Variants in SPAG9 observed in about 807,000 individuals in gnomAD.
SPAG9 encodes sperm associated antigen 9.
Under a neutral mutation model 166.5 loss-of-function variants are expected in SPAG9, and 35 were observed. The observed-to-expected ratio is 0.21, with a 90% CI of 0.16 to 0.28. The LOEUF is 0.28. Among genes scored for constraint, SPAG9 ranks in the 10% least tolerant of loss-of-function variants. The probability of loss-of-function intolerance (pLI) is 1.00; values close to 1 mark genes in which losing one functional copy is unlikely to be tolerated. For synonymous variants in SPAG9, 534 were observed against 565.5 expected (o/e 0.94, Z 0.79); for missense variants, 1,235 against 1,603.3 (o/e 0.77, Z 3.92).
intron 5 of SPAG9, among the ~76,000 whole-genome samples, chr17:51,034,176 C>G (rs951167182): frequency 2.6e-5 from 4 of 152,142 alleles, no homozygotes; most frequent in African/African-American, 9.7e-5. Flanking sequence ...ATAAACAAAA[C>G]AATATGAAAT....
At chr17:51,101,335 G>A (rs778008295) in intron 1 of SPAG9, among the ~76,000 whole-genome samples, 2 of 109,528 alleles carry the variant, frequency 1.8e-5, no homozygotes, top group African/African-American at 7.3e-5. Flanking sequence ...GACACTGTGA[G>A]ATTCTGTCTC....
At chr17:51,005,078 A>G (rs2045146064) in intron 12 of SPAG9, 134 bp downstream of exon 12, 1 of 722,650 alleles carries the variant, frequency 1.4e-6, no homozygotes, top group African/African-American at 1.8e-5. Flanking sequence ...GAGCTATCCT[A>G]TTCATGACCA....
chr17:51,007,900 G>A, intron 9 of SPAG9: 1 of 429,808 alleles, frequency 2.3e-6, no homozygotes, highest in South Asian at 1.7e-5. Flanking sequence ...AACAAGAAAT[G>A]TTTTACGTAA....
At chr17:50,992,056 T>C (rs72842243) in intron 19 of SPAG9, among the ~76,000 whole-genome samples, 10,619 of 150,630 alleles carry the variant, frequency 0.07, 394 homozygotes, top group Non-Finnish European at 0.089. Flanking sequence ...TCCCGCCTCA[T>C]TTTTTGATTT....
At chr17:51,091,772 A>G (rs1298961942) in intron 1 of SPAG9, among the ~76,000 whole-genome samples, 1 of 151,984 alleles carries the variant, frequency 6.6e-6, no homozygotes, top group Admixed American at 6.6e-5. Context: ...CAACAACATT[A>G]AAGTGACTTC....
chr17:51,060,172 C>A (rs1290216528), intron 2 of SPAG9, among the ~76,000 whole-genome samples: 1 of 152,016 alleles, frequency 6.6e-6, no homozygotes, highest in Admixed American at 6.6e-5. Flanking sequence ...GAAGCTCTAC[C>A]TCCCAATATG....
Position 50,969,043 on chromosome 17 carries a change from C to T in SPAG9, c.3850+1664G>A, listed in dbSNP as rs533654274. Among the ~76,000 whole-genome samples the T allele has an allele frequency of 4.2e-4, 64 of 152,066 alleles. No homozygotes were observed. The South Asian group carries it at 0.013, about 30-fold the overall frequency. ...CACCTCCCGGGTTCAAGTGATTCTCCTGCCTCAGCCTCCTGAATAGCTGGG... is the reference window on the plus strand; with the variant it reads ...CACCTCCCGGGTTCAAGTGATTCTCTTGCCTCAGCCTCCTGAATAGCTGGG... On this transcript the variant is annotated intron_variant, in intron 29 of 29. Transcript: ENST00000262013.
intron 3 of SPAG9, among the ~76,000 whole-genome samples, chr17:51,051,577 G>A (rs546272449): frequency 1.8e-4 from 27 of 152,242 alleles, no homozygotes; most frequent in Admixed American, 1.0e-3. Context: ...AAAAGTAGCC[G>A]AGCGTGGTGG....
At chr17:51,087,722 T>C (rs1022719053) in intron 1 of SPAG9, among the ~76,000 whole-genome samples, 1 of 152,164 alleles carries the variant, frequency 6.6e-6, no homozygotes, top group African/African-American at 2.4e-5. Context: ...TTGTTTAATT[T>C]AATTTTTAAT....
chr17:51,100,988 T>C (rs2048792087), intron 1 of SPAG9, among the ~76,000 whole-genome samples: 1 of 151,722 alleles, frequency 6.6e-6, no homozygotes, highest in Admixed American at 6.6e-5. Flanking sequence ...TGTGTCCAAA[T>C]TACATCAAAC....
intron 1 of SPAG9, among the ~76,000 whole-genome samples, chr17:51,081,763 C>T (rs768257965): frequency 1.2e-3 from 183 of 151,716 alleles, no homozygotes; most frequent in Non-Finnish European, 5.5e-4. Context: ...AAAGTAAAAA[C>T]AATTTATCCT....
chr17:50,975,022 C>T, intron 27 of SPAG9, 75 bp from the exon 28 acceptor site: 1 of 1,365,248 alleles, frequency 7.3e-7, no homozygotes, highest in South Asian at 1.3e-5. Context: ...ACTGGTTAAT[C>T]CTTATGATAT....
At chr17:51,048,547 T>C (rs1311246358) in intron 3 of SPAG9, among the ~76,000 whole-genome samples, 2 of 152,114 alleles carry the variant, frequency 1.3e-5, no homozygotes, top group Non-Finnish European at 2.9e-5. Flanking sequence ...ACTTTAGCTG[T>C]ATTAAGATGC....
At chr17:51,095,992 GAT>G (rs199752558) in intron 1 of SPAG9, among the ~76,000 whole-genome samples, 54 of 75,188 alleles carry the variant, frequency 7.2e-4, no homozygotes, top group South Asian at 6.8e-3. Flanking sequence ...TATATATAGT[GAT>G]ATATATATAG....
At chr17:51,091,976 C>A (rs1460468801) in intron 1 of SPAG9, among the ~76,000 whole-genome samples, 1 of 122,338 alleles carries the variant, frequency 8.2e-6, no homozygotes, top group African/African-American at 3.6e-5. Flanking sequence ...AAGACAAGCT[C>A]CCAAAGTTAA....
intron 2 of SPAG9, among the ~76,000 whole-genome samples, chr17:51,066,301 A>G (rs1317139665): frequency 6.6e-6 from 1 of 151,854 alleles, no homozygotes; most frequent in Non-Finnish European, 1.5e-5. Flanking sequence ...TGTAGAGACA[A>G]GGTCTCACTA....
At chr17:51,069,555 G>T (rs892000182) in intron 2 of SPAG9, among the ~76,000 whole-genome samples, 32 of 151,542 alleles carry the variant, frequency 2.1e-4, no homozygotes, top group Admixed American at 2.1e-3. Context: ...TTGTGTTGAA[G>T]GTCTGTTTTA....
intron 2 of SPAG9, among the ~76,000 whole-genome samples, chr17:51,073,474 C>G (rs1035115425): frequency 5.3e-5 from 8 of 151,668 alleles, no homozygotes; most frequent in Non-Finnish European, 8.8e-5. Flanking sequence ...GGCAATAGAG[C>G]TGGAATGTCT....
intron 19 of SPAG9, among the ~76,000 whole-genome samples, chr17:50,993,111 A>G (rs1227443250): frequency 1.3e-5 from 2 of 150,474 alleles, no homozygotes; most frequent in African/African-American, 4.9e-5. Context: ...AAAAAAAAAA[A>G]AAAGACTAGC....
Sources: gnomAD v4.1 joint callset for allele counts (sites outside exome capture counted in the v4.1 genomes callset) on GRCh38, gnomAD v4.1.1 for gene constraint, MANE v1.5 for transcripts, NCBI Gene and HGNC (gene_info 2026-07-23, HGNC 2026-07-21) for gene names.